The following PEAK1 variants were observed in gnomAD, a reference collection of about 807,000 sequenced individuals.
PEAK1 encodes the protein pseudopodium enriched atypical kinase 1.
Under a neutral mutation model 124.7 loss-of-function variants are expected in PEAK1, and 54 were observed. The ratio of observed to expected loss-of-function variants is 0.43; its 90% CI spans 0.35 to 0.54. The LOEUF (loss-of-function observed/expected upper bound fraction) is 0.54, where lower values mean the gene tolerates loss of function less well. PEAK1 is among the 20% of genes least tolerant of loss of function. The probability of loss-of-function intolerance (pLI) is 0.01; values close to 1 mark genes in which losing one functional copy is unlikely to be tolerated. For synonymous variants in PEAK1, 719 were observed against 760.0 expected (o/e 0.95, Z 0.89); for missense variants, 2,046 against 2,134.5 (o/e 0.96, Z 0.82).
At chr15:77,420,136 G>T, upstream of PEAK1, 1 of 150,194 alleles carries the variant, frequency 6.7e-6, no homozygotes, top group South Asian at 1.8e-4. Context: ...CGCCGCGGCC[G>T]AGTCCACCGC....
At chr15:77,269,867 T>G (rs1425761311) in intron 5 of PEAK1, among the ~76,000 whole-genome samples, 2 of 152,214 alleles carry the variant, frequency 1.3e-5, no homozygotes, top group Non-Finnish European at 2.9e-5. Context: ...TCTGGTATGT[T>G]GTACCTTTGT....
intron 2 of PEAK1, among the ~76,000 whole-genome samples, chr15:77,338,634 T>TA (rs66627554): frequency 1.7e-3 from 242 of 142,364 alleles, no homozygotes; most frequent in Middle Eastern, 7.4e-3. Context: ...GAAAAATCTT[T>TA]AAAAAAAAAA....
At chr15:77,283,429 G>A (rs936990410) in intron 5 of PEAK1, among the ~76,000 whole-genome samples, 3 of 151,854 alleles carry the variant, frequency 2.0e-5, no homozygotes, top group African/African-American at 7.3e-5. Flanking sequence ...TAGAAAGTCA[G>A]TTTCTTTTAA....
chr15:77,261,991 T>C (rs1009663065), intron 5 of PEAK1, among the ~76,000 whole-genome samples: 9 of 152,042 alleles, frequency 5.9e-5, no homozygotes, highest in Non-Finnish European at 1.0e-4. Flanking sequence ...AACCCACAAT[T>C]TCATATCCAG....
At chr15:77,195,064 A>G (rs2058035877) in intron 6 of PEAK1, among the ~76,000 whole-genome samples, 1 of 152,098 alleles carries the variant, frequency 6.6e-6, no homozygotes, top group Non-Finnish European at 1.5e-5. Flanking sequence ...TTTATTTACT[A>G]TAAGTTTATT....
intron 2 of PEAK1, among the ~76,000 whole-genome samples, chr15:77,328,129 TTGAC>T (rs2065688034): frequency 6.6e-6 from 1 of 152,174 alleles, no homozygotes; most frequent in South Asian, 2.1e-4. Flanking sequence ...TTTTAATCCA[TTGAC>T]TGGCCCATTA....
chr15:77,337,501 T>C, intron 2 of PEAK1: 1 of 984,868 alleles, frequency 1.0e-6, no homozygotes, highest in African/African-American at 1.7e-5. Context: ...CATCCTGACA[T>C]ACAAAGATCC....
chr15:77,135,307 T>C (rs2053221186), intron 8 of PEAK1, among the ~76,000 whole-genome samples: 1 of 152,198 alleles, frequency 6.6e-6, no homozygotes, highest in African/African-American at 2.4e-5. Context: ...AATCACGTCC[T>C]TGCAGCATGT....
chr15:77,166,305 G>A (rs2056094875), intron 7 of PEAK1, among the ~76,000 whole-genome samples: 1 of 152,128 alleles, frequency 6.6e-6, no homozygotes, highest in Non-Finnish European at 1.5e-5. Flanking sequence ...CACTGAGTAA[G>A]GCTTATTATT....
intron 2 of PEAK1, among the ~76,000 whole-genome samples, chr15:77,300,047 G>A (rs1198664938): frequency 6.6e-6 from 1 of 152,148 alleles, no homozygotes; most frequent in Non-Finnish European, 1.5e-5. Context: ...CTGGTACAGG[G>A]AGATGTGTCC....
rs943877236 is a variant in PEAK1, at chr15:77,109,496, T to C, written c.*4660A>G. On this transcript the variant is annotated 3_prime_UTR_variant, in exon 10 of 10. Coordinates refer to ENST00000682557, the MANE Select transcript of PEAK1 (RefSeq NM_001385026.1). ...GAAGCATCAGGATAAAAAGGCTTGA[T>C]TTCTTTGGTATAATCTCTCCCAGGA... 1.3e-5 allele frequency: 2 copies of C among 152,200 alleles called. No homozygotes were observed. Among genetic ancestry groups the C allele is most frequent in the African/African-American group, 4.8e-5 (2 of 41,446 alleles). 9.4% of individuals were successfully genotyped at this position (152,200 alleles called of 1,614,324 possible).
At chr15:77,360,943 T>C (rs571360761) in intron 2 of PEAK1, among the ~76,000 whole-genome samples, 1 of 151,906 alleles carries the variant, frequency 6.6e-6, no homozygotes, top group East Asian at 1.9e-4. Context: ...TAGGGGAAAA[T>C]GCTCCAGGAC....
intron 2 of PEAK1, chr15:77,334,815 T>C: frequency 1.0e-6 from 1 of 985,404 alleles, no homozygotes; most frequent in African/African-American, 1.7e-5. Flanking sequence ...AGTGTCTAAT[T>C]TGCTATTCAC....
chr15:77,291,497 TATG>T (rs1217701459), intron 2 of PEAK1, among the ~76,000 whole-genome samples: 1 of 152,134 alleles, frequency 6.6e-6, no homozygotes, highest in East Asian at 1.9e-4. Flanking sequence ...GGCCCACCAA[TATG>T]ATGCTGACAA....
intron 2 of PEAK1, among the ~76,000 whole-genome samples, chr15:77,314,909 T>C (rs1247833472): frequency 6.6e-6 from 1 of 152,130 alleles, no homozygotes; most frequent in Non-Finnish European, 1.5e-5. Flanking sequence ...AGGTAGGGTG[T>C]GGAGTGGGAG....
At chr15:77,247,258 C>T (rs1022770692) in intron 6 of PEAK1, among the ~76,000 whole-genome samples, 1 of 151,920 alleles carries the variant, frequency 6.6e-6, no homozygotes, top group African/African-American at 2.4e-5. Context: ...GCTATGACTA[C>T]CTTGTCTTGT....
chr15:77,319,627 T>C (rs919033540), intron 2 of PEAK1, among the ~76,000 whole-genome samples: 2 of 152,178 alleles, frequency 1.3e-5, no homozygotes, highest in South Asian at 2.1e-4. Flanking sequence ...TACTTTTTAA[T>C]AGGTTTTAAG....
intron 2 of PEAK1, among the ~76,000 whole-genome samples, chr15:77,301,469 G>T (rs2063782557): frequency 6.6e-6 from 1 of 152,130 alleles, no homozygotes; most frequent in Non-Finnish European, 1.5e-5. Flanking sequence ...ATCTCTTAGG[G>T]GAGCGGGGAT....
At chr15:77,358,167 C>G (rs1178501876) in intron 2 of PEAK1, among the ~76,000 whole-genome samples, 1 of 151,946 alleles carries the variant, frequency 6.6e-6, no homozygotes, top group African/African-American at 2.4e-5. Flanking sequence ...TTATTCTCCT[C>G]TCTCTCTCTA....
Sources: allele counts gnomAD v4.1 joint callset (sites outside exome capture counted in the v4.1 genomes callset), GRCh38; gene constraint gnomAD v4.1.1; transcripts MANE v1.5; gene names NCBI Gene and HGNC (gene_info 2026-07-23, HGNC 2026-07-21).